The following CNOT6L variants were observed in gnomAD, a reference collection of about 807,000 sequenced individuals.
The protein encoded by CNOT6L is CCR4-NOT transcription complex subunit 6-like.
CNOT6L carries 7 observed loss-of-function variants against 64.0 expected under a neutral mutation model. The observed-to-expected ratio is 0.11, with a 90% CI of 0.06 to 0.21. CNOT6L has a LOEUF of 0.21. Among genes scored for constraint, CNOT6L ranks in the 10% least tolerant of loss-of-function variants. CNOT6L has a pLI of 1.00. For synonymous variants in CNOT6L, 193 were observed against 243.4 expected (o/e 0.79, Z 1.93); for missense variants, 245 against 669.0 (o/e 0.37, Z 6.99).
At chr4:77,767,662 G>A (rs1158994364) in intron 4 of CNOT6L, among the ~76,000 whole-genome samples, 2 of 151,980 alleles carry the variant, frequency 1.3e-5, no homozygotes, top group African/African-American at 4.8e-5. Flanking sequence ...CACCAAATTA[G>A]ACCCCTCATA....
chr4:77,733,831 A>G (rs1381359386), intron 8 of CNOT6L, among the ~76,000 whole-genome samples: 2 of 152,070 alleles, frequency 1.3e-5, no homozygotes, highest in Non-Finnish European at 2.9e-5. Flanking sequence ...TAAATATCTG[A>G]CAATAGATGT....
At chr4:77,732,535 G>A (rs905089670) in intron 8 of CNOT6L, among the ~76,000 whole-genome samples, 4 of 151,996 alleles carry the variant, frequency 2.6e-5, no homozygotes, top group Non-Finnish European at 5.9e-5. Context: ...CTATGCCACA[G>A]GATGCTGCAC....
intron 1 of CNOT6L, among the ~76,000 whole-genome samples, chr4:77,780,991 C>A (rs1026255634): frequency 6.6e-6 from 1 of 152,118 alleles, no homozygotes; most frequent in East Asian, 1.9e-4. Flanking sequence ...CATAAAAAAA[C>A]ATGCAGCCAT....
At chr4:77,776,747 A>G (rs975671767) in intron 1 of CNOT6L, among the ~76,000 whole-genome samples, 1 of 152,220 alleles carries the variant, frequency 6.6e-6, no homozygotes, top group Non-Finnish European at 1.5e-5. Flanking sequence ...AGGTAATTCT[A>G]TCCTCCTTTC....
intron 1 of CNOT6L, among the ~76,000 whole-genome samples, chr4:77,815,570 T>C (rs1307202393): frequency 6.6e-6 from 1 of 152,168 alleles, no homozygotes; most frequent in Non-Finnish European, 1.5e-5. Context: ...TGCTAACATC[T>C]AAAATAACAC....
At chr4:77,726,031 G>A in intron 11 of CNOT6L, 136 bp downstream of exon 11, 3 of 742,110 alleles carry the variant, frequency 4.0e-6, no homozygotes, top group Non-Finnish European at 6.9e-6. Context: ...ATATTTAGGT[G>A]CATACTTAGC....
intron 11 of CNOT6L, among the ~76,000 whole-genome samples, chr4:77,724,686 T>C (rs1293996132): frequency 3.3e-5 from 5 of 151,990 alleles, no homozygotes; most frequent in Non-Finnish European, 5.9e-5. Flanking sequence ...TAAAATTTTT[T>C]CTTTTTACCT....
chr4:77,809,950 A>G (rs541782417), intron 1 of CNOT6L, among the ~76,000 whole-genome samples: 61 of 152,286 alleles, frequency 4.0e-4, no homozygotes, highest in Non-Finnish European at 8.1e-4. Flanking sequence ...ATTACCAGGC[A>G]TCTATTCAGT....
intron 1 of CNOT6L, among the ~76,000 whole-genome samples, chr4:77,807,910 A>T (rs923349640): frequency 1.3e-5 from 2 of 152,108 alleles, no homozygotes; most frequent in Non-Finnish European, 2.9e-5. Flanking sequence ...AATAATATCA[A>T]CTTTACCAGG....
intron 8 of CNOT6L, among the ~76,000 whole-genome samples, chr4:77,732,192 ACT>A (rs562446930): frequency 3.4e-4 from 52 of 151,798 alleles, no homozygotes; most frequent in Admixed American, 5.3e-4. Context: ...TGAAGAAATG[ACT>A]CTCTCTGTGA....
intron 1 of CNOT6L, among the ~76,000 whole-genome samples, chr4:77,783,476 T>G (rs1165571057): frequency 6.6e-6 from 1 of 152,200 alleles, no homozygotes; most frequent in Non-Finnish European, 1.5e-5. Flanking sequence ...ACTTCCTTTT[T>G]CTCCCTCATC....
chr4:77,748,782 G>GA (rs143444283), intron 5 of CNOT6L, among the ~76,000 whole-genome samples: 89 of 152,144 alleles, frequency 5.8e-4, no homozygotes, highest in Non-Finnish European at 1.0e-3. Context: ...CTTTAAAACA[G>GA]AAAAAAGTAC....
intron 1 of CNOT6L, among the ~76,000 whole-genome samples, chr4:77,779,423 A>G (rs1728595371): frequency 6.6e-6 from 1 of 152,214 alleles, no homozygotes; most frequent in African/African-American, 2.4e-5. Flanking sequence ...ATTAATAATT[A>G]CCATCTTTTC....
rs1721813072 is a variant in CNOT6L at position 77,726,019 on chromosome 4, T to A, written c.1455+148A>T. 4.4e-6 allele frequency: 3 copies of A among 682,728 alleles called. No individual in the cohort carries two copies. In the Admixed American group the frequency reaches 7.9e-5, roughly 18 times the overall value. The allele number at this position is 682,728 out of a possible 1,614,324, so 42.3% of individuals were successfully genotyped here. A position where few individuals can be genotyped will look rare whatever the true frequency, so the allele number is the denominator to read the frequency against. ...TAGCCACAAAACCCAATAAACCTAC[T>A]TATATTTAGGTGCATACTTAGCCTA... On this transcript the variant is annotated intron_variant, in intron 11 of 11. Transcript: ENST00000504123.
At chr4:77,749,298 AAAG>A (rs1023031549) in intron 5 of CNOT6L, among the ~76,000 whole-genome samples, 3 of 152,210 alleles carry the variant, frequency 2.0e-5, no homozygotes, top group Non-Finnish European at 4.4e-5. Context: ...CCAGGAAAGA[AAAG>A]AAGGTTATAA....
chr4:77,807,276 C>CAAAAAAAAAAAAAAAA (rs58452605), intron 1 of CNOT6L, among the ~76,000 whole-genome samples: 3 of 108,198 alleles, frequency 2.8e-5, no homozygotes, highest in African/African-American at 1.3e-4. Context: ...GACTCCATCT[C>CAAAAAAAAAAAAAAAA]AAAAAAAAAA....
chr4:77,801,252 G>T (rs1731514095), intron 1 of CNOT6L, among the ~76,000 whole-genome samples: 1 of 152,166 alleles, frequency 6.6e-6, no homozygotes, highest in Non-Finnish European at 1.5e-5. Flanking sequence ...CACAAAGGTA[G>T]CAGAGTCTTT....
intron 1 of CNOT6L, among the ~76,000 whole-genome samples, chr4:77,794,957 C>A (rs1368338212): frequency 6.7e-6 from 1 of 148,634 alleles, no homozygotes; most frequent in Non-Finnish European, 1.5e-5. Context: ...ATGTCCCCTG[C>A]AAAAAAATCA....
chr4:77,768,393 G>A (rs867562980), intron 4 of CNOT6L, among the ~76,000 whole-genome samples: 1 of 151,128 alleles, frequency 6.6e-6, no homozygotes, highest in African/African-American at 2.4e-5. Context: ...TTGAACCCGT[G>A]GGGTAGAGGT....
Sources: gnomAD v4.1 joint callset for allele counts (sites outside exome capture counted in the v4.1 genomes callset) on GRCh38, gnomAD v4.1.1 for gene constraint, MANE v1.5 for transcripts, NCBI Gene and HGNC (gene_info 2026-07-23, HGNC 2026-07-21) for gene names.